Variants in SWAP70 observed in about 807,000 individuals in gnomAD.
SWAP70 encodes the protein switching B cell complex subunit SWAP70.
In SWAP70, 34 loss-of-function variants were observed where a neutral mutation model predicts 80.2. The observed-to-expected ratio is 0.42, with a 90% confidence interval of 0.32 to 0.56. The LOEUF is 0.56. Ranked by LOEUF, SWAP70 falls within the 20% of genes least tolerant of loss-of-function variation. The pLI is 0.09. For missense variants in SWAP70, 578 were observed against 690.7 expected, an observed-to-expected ratio of 0.84 and a Z score of 1.83; for synonymous variants, 239 against 238.5, an observed-to-expected ratio of 1.00 and a Z score of -0.02.
intron 6 of SWAP70, 52 bp downstream of exon 6, chr11:9,729,503 T>A (rs763928479): frequency 1.5e-6 from 2 of 1,373,964 alleles, no homozygotes; most frequent in Non-Finnish European, 2.0e-6. Flanking sequence ...GCTCTGACTT[T>A]CTTTTTTTTT....
rs1411686168 is a variant in SWAP70, at chr11:9,751,054, G to A, written c.*1084G>A. Reference sequence around the variant, plus strand: ...CCAGGCTGTGAGAGGATTATACTGAGTAGTAGAAAGAAGCTAATTTGAAAT... The same window carrying A: ...CCAGGCTGTGAGAGGATTATACTGAATAGTAGAAAGAAGCTAATTTGAAAT... On this transcript the variant is annotated 3_prime_UTR_variant, in exon 12 of 12. Coordinates refer to ENST00000318950, the MANE Select transcript of SWAP70 (RefSeq NM_015055.4). The A allele has an allele frequency of 6.6e-6, 1 of 152,160 alleles. No homozygotes were observed. The highest frequency in any genetic ancestry group is 1.9e-4 in the East Asian group (1 of 5,202). The allele number at this position is 152,160 out of a possible 1,614,324, so 9.4% of individuals were successfully genotyped here.
Position 9,705,310 on chromosome 11 carries a change from TACTTGGTGATCTGTATAC to T in SWAP70, c.241-8134_241-8117del, listed in dbSNP as rs1303136933. Among the ~76,000 whole-genome samples, 1,378 of 142,522 alleles carry T rather than the reference TACTTGGTGATCTGTATAC, an allele frequency of 9.7e-3. 125 individuals are homozygous for T. Among genetic ancestry groups the T allele is most frequent in the African/African-American group, 0.035 (1,287 of 37,244 alleles). The allele number at this position is 142,522 out of a possible 152,430, so 93.5% of individuals were successfully genotyped here. On this transcript the variant is annotated intron_variant, in intron 2 of 11. Transcript: ENST00000318950. ...TATGTATACACTGGTGATCTGTGTA[TACTTGGTGATCTGTATAC>T]ACTTGGTGATCTGTATACACTGGTG...
chr11:9,714,551 TCAGGGTA>T (rs1247963837), intron 3 of SWAP70, among the ~76,000 whole-genome samples: 1 of 152,188 alleles, frequency 6.6e-6, no homozygotes, highest in Non-Finnish European at 1.5e-5. Flanking sequence ...ATGCACACTT[TCAGGGTA>T]TTAGATGAAC....
chr11:9,730,849 A>T (rs917471747), intron 6 of SWAP70, among the ~76,000 whole-genome samples: 1 of 152,172 alleles, frequency 6.6e-6, no homozygotes, highest in Non-Finnish European at 1.5e-5. Flanking sequence ...GTAATGCCGA[A>T]GTTTGGGGTA....
chr11:9,720,186 C>T (rs1851117098), intron 3 of SWAP70: 1 of 985,214 alleles, frequency 1.0e-6, no homozygotes, highest in Non-Finnish European at 1.2e-6. Flanking sequence ...AATCAAAAGG[C>T]CCTTAAGTTA....
intron 7 of SWAP70, 47 bp downstream of exon 7, chr11:9,732,757 G>A: frequency 6.7e-7 from 1 of 1,493,814 alleles, no homozygotes; most frequent in Non-Finnish European, 8.9e-7. Context: ...TTCCCCTGCA[G>A]AAGCCATCGT....
intron 3 of SWAP70, among the ~76,000 whole-genome samples, chr11:9,717,096 G>A (rs887092575): frequency 6.6e-6 from 1 of 152,204 alleles, no homozygotes. Context: ...GCTCGCTGGT[G>A]ATCAAGGAGA....
intron 3 of SWAP70, among the ~76,000 whole-genome samples, chr11:9,714,998 G>T (rs1418341263): frequency 1.5e-5 from 2 of 133,628 alleles, no homozygotes; most frequent in South Asian, 2.4e-4. Flanking sequence ...TTTAAGAAAC[G>T]GGGTCTTACT....
intron 2 of SWAP70, among the ~76,000 whole-genome samples, chr11:9,695,272 C>T (rs568508373): frequency 2.5e-4 from 38 of 150,834 alleles, no homozygotes; most frequent in Admixed American, 1.1e-3. Context: ...CCAGCCTGGG[C>T]ATCAAGAGCG....
chr11:9,695,906 C>T (rs1418356901), intron 2 of SWAP70, among the ~76,000 whole-genome samples: 1 of 152,058 alleles, frequency 6.6e-6, no homozygotes, highest in Non-Finnish European at 1.5e-5. Context: ...AGGTGACCCT[C>T]CTACCTCAGA....
chr11:9,739,891 A>G (rs887521162), intron 8 of SWAP70, among the ~76,000 whole-genome samples: 2 of 152,250 alleles, frequency 1.3e-5, no homozygotes, highest in East Asian at 3.8e-4. Context: ...TTACACAAGG[A>G]AACATTTTTT....
chr11:9,687,298 A>G (rs977749960), intron 1 of SWAP70, among the ~76,000 whole-genome samples: 1 of 152,226 alleles, frequency 6.6e-6, no homozygotes, highest in African/African-American at 2.4e-5. Flanking sequence ...GTTATACCAA[A>G]TATAATACAC....
chr11:9,711,024 T>A (rs537890776), intron 2 of SWAP70, among the ~76,000 whole-genome samples: 1 of 128,982 alleles, frequency 7.8e-6, no homozygotes, highest in Admixed American at 7.6e-5. Flanking sequence ...TTATTTATTT[T>A]TGTATTGTTA....
chr11:9,722,988 T>C (rs1194269382), intron 3 of SWAP70, among the ~76,000 whole-genome samples: 1 of 151,926 alleles, frequency 6.6e-6, no homozygotes, highest in African/African-American at 2.4e-5. Context: ...ATTGGTGGAG[T>C]GTAAAGTCTG....
Position 9,732,639 on chromosome 11 carries a change from C to A in SWAP70, c.1009C>A (p.Leu337Met). The A allele has an allele frequency of 2.5e-6, 4 of 1,580,316 alleles. No individual in the cohort carries two copies. The highest frequency in any genetic ancestry group is 3.4e-6 in the Non-Finnish European group (4 of 1,161,300). Residue 337 changes from leucine (L) to methionine (M), a missense_variant, in exon 7 of 12, where the codon CTG becomes ATG. Transcript: ENST00000318950. ...GAAGCAGCTGGCTGAACAAGAGGAA[C>A]TGGAGCGACAAATGAAGGAACTCCA... ...RKKQLAEQEELERQMKELQAA... is the reference protein window; with the variant it reads ...RKKQLAEQEEMERQMKELQAA...
At chr11:9,673,380 C>T (rs961175951) in intron 1 of SWAP70, among the ~76,000 whole-genome samples, 16 of 152,194 alleles carry the variant, frequency 1.1e-4, no homozygotes, top group Admixed American at 3.3e-4. Flanking sequence ...CTTCTATCCT[C>T]ATGGAGTTGG....
intron 7 of SWAP70, among the ~76,000 whole-genome samples, chr11:9,733,115 G>C (rs2133811225): frequency 6.6e-6 from 1 of 152,150 alleles, no homozygotes; most frequent in East Asian, 1.9e-4. Flanking sequence ...CCTTACTTTA[G>C]AACTGTTAGT....
At chr11:9,741,938 TAAAAAAAA>T (rs570386980) in intron 9 of SWAP70, 2 of 81,916 alleles carry the variant, frequency 2.4e-5, no homozygotes, top group African/African-American at 8.6e-5. Flanking sequence ...ACCTCATCTT[TAAAAAAAA>T]AAAAAAAAAA....
At chr11:9,680,054 G>C (rs777399746) in intron 1 of SWAP70, among the ~76,000 whole-genome samples, 2 of 152,150 alleles carry the variant, frequency 1.3e-5, no homozygotes, top group Non-Finnish European at 2.9e-5. Context: ...ACCAAACAAT[G>C]ATGTTGAAGA....
Sources: gnomAD v4.1 joint callset for allele counts (sites outside exome capture counted in the v4.1 genomes callset) on GRCh38, gnomAD v4.1.1 for gene constraint, MANE v1.5 for transcripts, NCBI Gene and HGNC (gene_info 2026-07-23, HGNC 2026-07-21) for gene names.